Variants in KATNIP observed in about 807,000 individuals in gnomAD.
The protein encoded by KATNIP is katanin-interacting protein.
Under a neutral mutation model 174.0 loss-of-function variants are expected in KATNIP, and 126 were observed. That is an observed-to-expected ratio of 0.72 (90% CI 0.63 to 0.84). The LOEUF is 0.84. Ranked by LOEUF, KATNIP falls within the 40% of genes least tolerant of loss-of-function variation. The pLI is 0.00. For synonymous variants in KATNIP, 810 were observed against 835.7 expected (o/e 0.97, Z 0.53); for missense variants, 1,958 against 2,109.7 (o/e 0.93, Z 1.41).
chr16:27,688,786 A>G (rs1253721156), intron 8 of KATNIP, among the ~76,000 whole-genome samples: 2 of 152,122 alleles, frequency 1.3e-5, no homozygotes, highest in African/African-American at 4.8e-5. Context: ...TGGCCTAGAG[A>G]TGGCCCCCAG....
intron 8 of KATNIP, among the ~76,000 whole-genome samples, chr16:27,697,486 T>C (rs866268345): frequency 2.2e-4 from 34 of 152,158 alleles, no homozygotes; most frequent in Middle Eastern, 3.4e-3. Context: ...ATTGTAAGGA[T>C]AGTACACTGA....
Position 27,648,668 on chromosome 16 carries a change from CTGA to C in KATNIP, c.478_480del (p.Asp160del). 6.2e-7 allele frequency: 1 copy of C among 1,614,208 alleles called. No individual in the cohort carries two copies. The highest frequency in any genetic ancestry group is 8.5e-7 in the Non-Finnish European group (1 of 1,180,030). ...CACATCGAACCTCCTGTGGACTATT[CTGA>C]TGATTTTGAGCTGTGTGGGGATGTG... On this transcript the variant is annotated inframe_deletion, in exon 6 of 28. Coordinates refer to ENST00000261588, the MANE Select transcript of KATNIP (RefSeq NM_015202.5).
intron 19 of KATNIP, among the ~76,000 whole-genome samples, chr16:27,763,092 G>A (rs1263038210): frequency 1.3e-5 from 2 of 152,022 alleles, no homozygotes. Flanking sequence ...AAGATAGAAG[G>A]ATCACTTGAG....
chr16:27,584,273 C>T (rs1176361287), intron 2 of KATNIP, among the ~76,000 whole-genome samples: 2 of 152,000 alleles, frequency 1.3e-5, no homozygotes, highest in East Asian at 1.9e-4. Context: ...TCTTCAGCCA[C>T]GGCCCCAGAT....
chr16:27,661,793 T>A (rs1201158037), intron 6 of KATNIP, among the ~76,000 whole-genome samples: 1 of 147,182 alleles, frequency 6.8e-6, no homozygotes, highest in Non-Finnish European at 1.5e-5. Context: ...TCACCTAGGC[T>A]GGAGTGCAGT....
intron 6 of KATNIP, among the ~76,000 whole-genome samples, chr16:27,669,823 G>A (rs1007874439): frequency 6.6e-6 from 1 of 150,558 alleles, no homozygotes; most frequent in Admixed American, 6.7e-5. Flanking sequence ...ATTTTCTTTG[G>A]GGAGAGGGAA....
At chr16:27,610,744 C>G (rs1284057733) in intron 2 of KATNIP, among the ~76,000 whole-genome samples, 1 of 152,192 alleles carries the variant, frequency 6.6e-6, no homozygotes, top group Non-Finnish European at 1.5e-5. Flanking sequence ...CCCCAAATCA[C>G]TAAACTAAAG....
At chr16:27,675,783 G>A (rs2078093289) in intron 6 of KATNIP, among the ~76,000 whole-genome samples, 1 of 152,114 alleles carries the variant, frequency 6.6e-6, no homozygotes, top group African/African-American at 2.4e-5. Context: ...TCCCATGTAT[G>A]TCTCTAGGAT....
intron 7 of KATNIP, among the ~76,000 whole-genome samples, chr16:27,679,283 C>T (rs12445661): frequency 0.11 from 16,803 of 152,166 alleles, 1,168 homozygotes; most frequent in Middle Eastern, 0.19. Flanking sequence ...GCCATCTTCT[C>T]CCTGTGTCTT....
At chr16:27,628,470 C>T in intron 3 of KATNIP, 191 bp from the exon 4 acceptor site, 1 of 591,692 alleles carries the variant, frequency 1.7e-6, no homozygotes, top group Non-Finnish European at 3.0e-6. Flanking sequence ...AAACTGTCTG[C>T]CCCTCGTGGC....
chr16:27,570,007 C>G (rs894940396), intron 1 of KATNIP, among the ~76,000 whole-genome samples: 1 of 152,198 alleles, frequency 6.6e-6, no homozygotes, highest in East Asian at 1.9e-4. Flanking sequence ...CTTGGCCTCC[C>G]AAAGTGCTGA....
Position 27,778,977 on chromosome 16 carries a change from C to T in KATNIP, c.*348C>T. ...ACAGGACAATGACGGGGTGGGGAGG[C>T]ATCCCATCCAGCCTCAGAGGGCCCA... On this transcript the variant is annotated 3_prime_UTR_variant, in exon 28 of 28. Coordinates refer to ENST00000261588, the MANE Select transcript of KATNIP (RefSeq NM_015202.5). The T allele has an allele frequency of 4.2e-6, 1 of 237,228 alleles. No homozygotes were observed. The highest frequency in any genetic ancestry group is 8.1e-6 in the Non-Finnish European group (1 of 123,872). The allele number at this position is 237,228 out of a possible 1,614,324, so 14.7% of individuals were successfully genotyped here. A position where few individuals can be genotyped will look rare whatever the true frequency, so the allele number is the denominator to read the frequency against.
intron 14 of KATNIP, among the ~76,000 whole-genome samples, chr16:27,731,396 A>C (rs942226687): frequency 3.9e-5 from 6 of 152,348 alleles, no homozygotes; most frequent in Middle Eastern, 3.4e-3. Flanking sequence ...ACAAGACATG[A>C]GGGTGGCTCC....
chr16:27,571,403 A>G (rs1200085378), intron 1 of KATNIP, among the ~76,000 whole-genome samples: 1 of 152,096 alleles, frequency 6.6e-6, no homozygotes, highest in Admixed American at 6.6e-5. Flanking sequence ...ACATAATTTT[A>G]GAGATGAAAA....
At chr16:27,747,639 TG>T (rs536220295) in intron 15 of KATNIP, among the ~76,000 whole-genome samples, 147 of 151,404 alleles carry the variant, frequency 9.7e-4, no homozygotes, top group African/African-American at 3.4e-3. Context: ...GGCCGGAAGG[TG>T]GGGGGTGGGG....
At chr16:27,623,455 C>CTGAT (rs779380200) in intron 3 of KATNIP, among the ~76,000 whole-genome samples, 10 of 151,878 alleles carry the variant, frequency 6.6e-5, no homozygotes, top group East Asian at 1.9e-4. Context: ...CAGTTATTGA[C>CTGAT]TGATTGATTG....
chr16:27,621,258 G>A (rs2076185559), intron 3 of KATNIP, among the ~76,000 whole-genome samples: 1 of 152,008 alleles, frequency 6.6e-6, no homozygotes, highest in Non-Finnish European at 1.5e-5. Context: ...ACTCCAGGCT[G>A]GGTGATAGAG....
At chr16:27,707,832 GTC>G (rs1335962682) in intron 12 of KATNIP, among the ~76,000 whole-genome samples, 2 of 152,312 alleles carry the variant, frequency 1.3e-5, no homozygotes, top group Admixed American at 6.5e-5. Context: ...TCCTTGGTGT[GTC>G]TCTCTGTGTG....
chr16:27,733,342 C>T (rs1341149370), intron 14 of KATNIP, among the ~76,000 whole-genome samples: 2 of 152,038 alleles, frequency 1.3e-5, no homozygotes, highest in Non-Finnish European at 2.9e-5. Context: ...AAATGCATTA[C>T]AGTTTCAGCA....
Sources: allele counts gnomAD v4.1 joint callset (sites outside exome capture counted in the v4.1 genomes callset), GRCh38; gene constraint gnomAD v4.1.1; transcripts MANE v1.5; gene names NCBI Gene and HGNC (gene_info 2026-07-23, HGNC 2026-07-21).